The following PCDHGA2 variants were observed in gnomAD, a reference collection of about 807,000 sequenced individuals.
PCDHGA2 encodes protocadherin gamma subfamily A, 2, also known as protocadherin gamma-A2.
Under a neutral mutation model 59.2 loss-of-function variants are expected in PCDHGA2, and 40 were observed. The ratio of observed to expected loss-of-function variants is 0.68; its 90% CI spans 0.52 to 0.88. The LOEUF is 0.88. PCDHGA2 is among the 40% of genes least tolerant of loss of function. The pLI, the probability that PCDHGA2 is intolerant of heterozygous loss-of-function variation, is 0.00. For missense variants in PCDHGA2, 1,226 were observed against 1,204.0 expected (o/e 1.02, Z -0.27); for synonymous variants, 560 against 526.0 (o/e 1.06, Z -0.89).
intron 1 of PCDHGA2, chr5:141,408,721 C>T (rs994778084): frequency 6.2e-7 from 1 of 1,611,372 alleles, no homozygotes; most frequent in Non-Finnish European, 8.5e-7. Flanking sequence ...ATAAGATAAA[C>T]TCTAATCCTT....
intron 1 of PCDHGA2, among the ~76,000 whole-genome samples, chr5:141,449,586 C>T (rs2098645911): frequency 1.6e-5 from 2 of 125,482 alleles, no homozygotes; most frequent in East Asian, 2.3e-4. Context: ...AAGACTCTGT[C>T]TCAAAAAAAA....
Position 141,364,781 on chromosome 5 carries a change from C to G in PCDHGA2, c.2424+23386C>G, listed in dbSNP as rs754157065. On this transcript the variant is annotated intron_variant, in intron 1 of 3. Transcript: ENST00000394576. ...TAATGAAAATGCGGCTGCAGGGACA[C>G]GGTTAGTGCTTCCCTTCGCGCGGGA... 5 of 1,613,988 alleles carry G rather than the reference C, an allele frequency of 3.1e-6. No homozygotes were observed. The South Asian group carries it at 3.3e-5, about 11-fold the overall frequency.
At position 141,390,172 on chromosome 5, in the gene PCDHGA2, ATT is replaced by A. The variant is rs745723390; in HGVS notation, c.2424+48779_2424+48780del. 218 of 1,614,012 alleles carry A rather than the reference ATT, an allele frequency of 1.4e-4. 1 individual carries two copies. In the African/African-American group the frequency reaches 2.7e-3, roughly 20 times the overall value. ...GCACATACAGGAAAGACGGAGTTTA[ATT>A]TCCTAAAATGTAGTGAGCAGTTGAG... On this transcript the variant is annotated intron_variant, in intron 1 of 3. Transcript: ENST00000394576.
In PCDHGA2 at chr5:141,454,796, A is replaced by ATTTTTTTTTTTTTTTTTTTTT. The variant is rs61612330; in HGVS notation, c.2425-40002_2425-39982dup. Reference sequence around the variant, plus strand: ...AAGGAAATAATCCTCCATGGTTCTAATTTTTTTTTTTTTTTTTTTTTTTTT... The same window carrying ATTTTTTTTTTTTTTTTTTTTT: ...AAGGAAATAATCCTCCATGGTTCTAATTTTTTTTTTTTTTTTTTTTTTTTTTTTTTTTTTTTTTTTTTTTTT... On this transcript the variant is annotated intron_variant, in intron 1 of 3. Transcript: ENST00000394576. Among the ~76,000 whole-genome samples, 10 of 77,454 alleles carry ATTTTTTTTTTTTTTTTTTTTT rather than the reference A, an allele frequency of 1.3e-4. 1 individual carries two copies. Among genetic ancestry groups the ATTTTTTTTTTTTTTTTTTTTT allele is most frequent in the Non-Finnish European group, 1.9e-4 (8 of 42,810 alleles). The allele number at this position is 77,454 out of a possible 152,430, so 50.8% of individuals were successfully genotyped here. A position where few individuals can be genotyped will look rare whatever the true frequency, so the allele number is the denominator to read the frequency against.
chr5:141,374,907 G>T (rs778308894), intron 1 of PCDHGA2: 1 of 1,613,828 alleles, frequency 6.2e-7, no homozygotes, highest in Non-Finnish European at 8.5e-7. Flanking sequence ...GGAGTCCACG[G>T]GGAAGTAACT....
chr5:141,362,657 G>T, intron 1 of PCDHGA2: 1 of 1,396,950 alleles, frequency 7.2e-7, no homozygotes, highest in Non-Finnish European at 9.5e-7. Context: ...GTTAGATTTG[G>T]CCAATGTTGT....
At chr5:141,404,692 C>G (rs543452623) in intron 1 of PCDHGA2, 2 of 1,614,080 alleles carry the variant, frequency 1.2e-6, no homozygotes, top group South Asian at 2.2e-5. Context: ...TGGCACCCCG[C>G]TCTGCAGAGC....
At chr5:141,402,976 G>C in intron 1 of PCDHGA2, 5 of 1,608,120 alleles carry the variant, frequency 3.1e-6, no homozygotes, top group Non-Finnish European at 4.2e-6. Context: ...CCAAATGCCA[G>C]CTCCGCGGAA....
chr5:141,393,766 A>G, intron 1 of PCDHGA2: 2 of 1,613,950 alleles, frequency 1.2e-6, no homozygotes. Flanking sequence ...TATGAAATGG[A>G]AATACAAGCC....
In PCDHGA2 at chr5:141,356,758, T is replaced by C. The variant is rs1760332568; in HGVS notation, c.2424+15363T>C. On this transcript the variant is annotated intron_variant, in intron 1 of 3. Coordinates refer to ENST00000394576, the MANE Select transcript of PCDHGA2 (RefSeq NM_018915.4). The stretch of plus-strand genomic sequence containing the variant: ...AGGGATCCTATATGCTCTTTGCTCC[T>C]TCGACTATGAGCAGTTTAGAGACCT... The C allele has an allele frequency of 6.8e-6, 11 of 1,613,966 alleles. No individual in the cohort carries two copies. The highest frequency in any genetic ancestry group is 9.3e-6 in the Non-Finnish European group (11 of 1,179,840).
chr5:141,392,841 C>T (rs1464167244), intron 1 of PCDHGA2: 3 of 1,608,800 alleles, frequency 1.9e-6, no homozygotes, highest in Non-Finnish European at 8.5e-7. Flanking sequence ...TCGCCCCAGA[C>T]GCGGCGAGCT....
At chr5:141,499,272 GT>G (rs772636179) in intron 2 of PCDHGA2, among the ~76,000 whole-genome samples, 3 of 152,122 alleles carry the variant, frequency 2.0e-5, no homozygotes, top group Non-Finnish European at 4.4e-5. Flanking sequence ...TCCCTAGACT[GT>G]TCTCTGATGG....
rs368718827 is a variant in PCDHGA2, at chr5:141,410,231, G to A, written c.2424+68836G>A. On this transcript the variant is annotated intron_variant, in intron 1 of 3. Transcript: ENST00000394576. ...GCAAGAGATACTGCCAGACCTCAGC[G>A]ACCGCCCTGTACTCTCTGACCCCCA... 8.7e-6 allele frequency: 14 copies of A among 1,613,888 alleles called. No homozygotes were observed. The highest frequency in any genetic ancestry group is 1.6e-4 in the Middle Eastern group (1 of 6,084).
At chr5:141,402,682 T>A (rs1012328239) in intron 1 of PCDHGA2, among the ~76,000 whole-genome samples, 1 of 152,138 alleles carries the variant, frequency 6.6e-6, no homozygotes, top group East Asian at 1.9e-4. Context: ...CCATCTGATA[T>A]AATGTTACAC....
chr5:141,431,416 C>G lies in PCDHGA2; in HGVS notation c.2425-63391C>G, dbSNP rs778722151. 3 of 1,613,596 alleles carry G rather than the reference C, an allele frequency of 1.9e-6. No homozygotes were observed. The highest frequency in any genetic ancestry group is 2.7e-5 in the African/African-American group (2 of 74,954). On this transcript the variant is annotated intron_variant, in intron 1 of 3. Coordinates refer to ENST00000394576, the MANE Select transcript of PCDHGA2 (RefSeq NM_018915.4). The surrounding 1 kb of genome is among the most constrained non-coding windows in gnomAD (Gnocchi z 4.8). ...TCCTTACGGCCTCCGACGGGGGCGA[C>G]CCGGTGCGCACAGGCACCGCGCGCA...
At chr5:141,415,469 C>G (rs1247738517) in intron 1 of PCDHGA2, 1 of 1,614,090 alleles carries the variant, frequency 6.2e-7, no homozygotes, top group Non-Finnish European at 8.5e-7. Context: ...TCTCTCACCG[C>G]GGACTCGCGA....
At chr5:141,372,226 C>A (rs1238266870) in intron 1 of PCDHGA2, 1 of 1,613,332 alleles carries the variant, frequency 6.2e-7, no homozygotes, top group Non-Finnish European at 8.5e-7. Flanking sequence ...ATTGTGCAGG[C>A]CAGCGAGCCC....
chr5:141,409,945 T>C (rs777813706), intron 1 of PCDHGA2: 11 of 1,613,312 alleles, frequency 6.8e-6, no homozygotes, highest in Non-Finnish European at 9.3e-6. Flanking sequence ...TACCTCGCTC[T>C]GCAGAGCCCG....
At chr5:141,428,187 C>A in intron 1 of PCDHGA2, 1 of 1,439,502 alleles carries the variant, frequency 6.9e-7, no homozygotes, top group Non-Finnish European at 9.6e-7. Flanking sequence ...GGACAGCCGC[C>A]GCTCTCTGCG....
Sources: allele counts gnomAD v4.1 joint callset (sites outside exome capture counted in the v4.1 genomes callset), GRCh38; gene constraint gnomAD v4.1.1; non-coding constraint Gnocchi (gnomAD v3.1); transcripts MANE v1.5; gene names NCBI Gene and HGNC (gene_info 2026-07-23, HGNC 2026-07-21).